Variants in ASAH1 observed in about 807,000 individuals in gnomAD.
The protein encoded by ASAH1 is N-acylsphingosine amidohydrolase 1.
In ASAH1, 70 loss-of-function variants were observed where a neutral mutation model predicts 59.5. The ratio of observed to expected loss-of-function variants is 1.18; its 90% CI spans 0.97 to 1.43. The LOEUF is 1.43. ASAH1 is among the 40% of genes most tolerant of loss of function. The probability of loss-of-function intolerance (pLI) is 0.00; values close to 1 mark genes in which losing one functional copy is unlikely to be tolerated. For synonymous variants in ASAH1, 213 were observed against 166.5 expected, an observed-to-expected ratio of 1.28 and a Z score of -2.15; for missense variants, 660 against 482.5, an observed-to-expected ratio of 1.37 and a Z score of -3.45.
upstream of ASAH1, chr8:18,084,755 C>G (rs200771465): frequency 4.5e-5 from 73 of 1,613,698 alleles, no homozygotes; most frequent in Non-Finnish European, 6.1e-5. Flanking sequence ...GTAGGAGGCC[C>G]GGTGGGACCC....
chr8:18,057,647 T>G (rs764216549), intron 13 of ASAH1, 24 bp from the exon 14 acceptor site: 2 of 1,534,574 alleles, frequency 1.3e-6, no homozygotes, highest in Non-Finnish European at 1.8e-6. Flanking sequence ...TATTTTTACT[T>G]TAAGGACGTT....
intron 3 of ASAH1, among the ~76,000 whole-genome samples, chr8:18,070,181 C>T (rs890093105): frequency 8.0e-5 from 12 of 150,856 alleles, no homozygotes; most frequent in African/African-American, 2.4e-4. Context: ...CGGAGTTTTG[C>T]TCTTGTCGCC....
intron 5 of ASAH1, chr8:18,065,597 C>G (rs2117041113): frequency 6.6e-6 from 1 of 152,174 alleles, no homozygotes; most frequent in African/African-American, 2.4e-5. Context: ...AATAGCTTCC[C>G]AAACCATCAA....
intron 5 of ASAH1, chr8:18,066,832 G>A (rs1799947722): frequency 4.0e-6 from 1 of 249,490 alleles, no homozygotes; most frequent in Non-Finnish European, 7.7e-6. Flanking sequence ...ATACCCTGTT[G>A]ATACAATAGC....
intron 6 of ASAH1, 28 bp from the exon 7 acceptor site, chr8:18,063,258 G>A (rs760687872): frequency 6.4e-7 from 1 of 1,572,192 alleles, no homozygotes; most frequent in Admixed American, 1.7e-5. Flanking sequence ...GAAGAGACGT[G>A]TAATAGCAGT....
At position 18,057,200 on chromosome 8, in the gene ASAH1, C is replaced by G. The variant is rs115127411; in HGVS notation, c.*334G>C. ...ACAGACGTGCTGGATTCAACACCCA[C>G]GCTGAATCTCCATTTATTCCACGGA... On this transcript the variant is annotated 3_prime_UTR_variant, in exon 14 of 14. Coordinates refer to ENST00000637790, the MANE Select transcript of ASAH1 (RefSeq NM_177924.5). The G allele has an allele frequency of 3.3e-6, 1 of 303,582 alleles. No homozygotes were observed. Among genetic ancestry groups the G allele is most frequent in the East Asian group, 8.1e-5 (1 of 12,406 alleles). The allele number at this position is 303,582 out of a possible 1,614,324, so 18.8% of individuals were successfully genotyped here. A position where few individuals can be genotyped will look rare whatever the true frequency, so the allele number is the denominator to read the frequency against.
rs1043929703 is a variant in ASAH1 at position 18,063,460 on chromosome 8, C to T, written c.458-230G>A. ...TTGGGATTACAGACATGTGCGACCG[C>T]ACCTGGCTACTTTTTTTTTTTTTTT... On this transcript the variant is annotated intron_variant, in intron 6 of 13. Coordinates refer to ENST00000637790, the MANE Select transcript of ASAH1 (RefSeq NM_177924.5). 3.0e-5 allele frequency: 13 copies of T among 435,824 alleles called. No homozygotes were observed. The Admixed American group carries it at 3.3e-4, about 11-fold the overall frequency. The allele number at this position is 435,824 out of a possible 1,614,324, so 27.0% of individuals were successfully genotyped here. A position where few individuals can be genotyped will look rare whatever the true frequency, so the allele number is the denominator to read the frequency against.
chr8:18,084,117 G>C, upstream of ASAH1: 7 of 1,588,184 alleles, frequency 4.4e-6, no homozygotes, highest in African/African-American at 1.3e-5. Context: ...GAGCCGGCTG[G>C]GCCGGGGGCA....
chr8:18,080,199 C>G (rs34389359), intron 1 of ASAH1, among the ~76,000 whole-genome samples: 9,144 of 152,288 alleles, frequency 0.06, 319 homozygotes, highest in Admixed American at 0.097. Flanking sequence ...GATTCAATAG[C>G]TAATGTCAAC....
In ASAH1 at chr8:18,062,376, G is replaced by T. The variant is rs540913734; in HGVS notation, c.551C>A (p.Pro184His). ...TTGGAAATCCAAATTCACTGTTAAA[G>T]GTTTTAGTTGCTCAGTTATGACCCA... ...DTWVITEQLK[P>H]LTVNLDFQRN... Residue 184 changes from proline to histidine, a missense_variant, in exon 8 of 14, where the codon CCT (proline) becomes CAT (histidine). Physicochemically the swap from Pro to His is moderately conservative, Grantham distance 77. Transcript: ENST00000637790. 1 of 1,614,104 alleles carries T rather than the reference G, an allele frequency of 6.2e-7. No homozygotes were observed.
At chr8:18,064,580 G>T in intron 5 of ASAH1, 49 bp from the exon 6 acceptor site, 1 of 1,074,958 alleles carries the variant, frequency 9.3e-7, no homozygotes, top group Non-Finnish European at 1.4e-6. Flanking sequence ...ATGACAATGG[G>T]AGAAAAATTT....
chr8:18,084,160 C>G, upstream of ASAH1: 1 of 1,557,966 alleles, frequency 6.4e-7, no homozygotes, highest in Non-Finnish European at 8.6e-7. Flanking sequence ...GACCCGCGAC[C>G]TGGGACCGCA....
chr8:18,083,609 T>G (rs1348360027), intron 1 of ASAH1, among the ~76,000 whole-genome samples: 1 of 152,254 alleles, frequency 6.6e-6, no homozygotes, highest in African/African-American at 2.4e-5. Context: ...TCAGGCAGTC[T>G]GTCCTTGATT....
intron 2 of ASAH1, among the ~76,000 whole-genome samples, chr8:18,075,314 G>A (rs533153796): frequency 1.0e-3 from 153 of 152,254 alleles, no homozygotes; most frequent in Non-Finnish European, 1.8e-3. Flanking sequence ...TCTTTCCGAT[G>A]ATTTTGATAG....
At chr8:18,084,512 T>G (rs112230670), upstream of ASAH1, 1 of 1,359,312 alleles carries the variant, frequency 7.4e-7, no homozygotes, top group Admixed American at 2.1e-5. Context: ...TCAACACTAA[T>G]GTAACATCCC....
rs937056036 is a variant in ASAH1, at chr8:18,059,634, G to A, written c.855C>T (p.Gly285=). 1 of 1,614,186 alleles carries A rather than the reference G, an allele frequency of 6.2e-7. No homozygotes were observed. Among genetic ancestry groups the A allele is most frequent in the South Asian group, 1.1e-5 (1 of 91,088 alleles). ...TCACACAACCTTCCCCAGACTGGTTGCCTCCCAGGATAAAGTAGGCTGGGG... is the reference window on the plus strand; with the variant it reads ...TCACACAACCTTCCCCAGACTGGTTACCTCCCAGGATAAAGTAGGCTGGGG... ...ILAPAYFILG[G]NQSGEGCVIT... Residue 285 remains glycine, a synonymous_variant, in exon 11 of 14, where the codon GGC becomes GGT. Coordinates refer to ENST00000637790, the MANE Select transcript of ASAH1 (RefSeq NM_177924.5).
At chr8:18,071,638 TCTATGAAAAAATCAA>T (rs1411599952) in intron 2 of ASAH1, among the ~76,000 whole-genome samples, 3 of 152,234 alleles carry the variant, frequency 2.0e-5, no homozygotes, top group African/African-American at 7.2e-5. Context: ...GAATTGGTTT[TCTATGAAAAAATCAA>T]CTATGGCTTA....
chr8:18,079,406 G>T (rs1800555749), intron 1 of ASAH1, among the ~76,000 whole-genome samples: 1 of 151,156 alleles, frequency 6.6e-6, no homozygotes, highest in Admixed American at 6.6e-5. Context: ...TTCATTAAGA[G>T]AAATTAATTA....
At chr8:18,084,768 G>A (rs1351969120), upstream of ASAH1, 3 of 1,613,584 alleles carry the variant, frequency 1.9e-6, no homozygotes, top group Non-Finnish European at 2.5e-6. Flanking sequence ...TGGGACCCGC[G>A]AGCTTTCTCT....
Sources: gnomAD v4.1 joint callset for allele counts (sites outside exome capture counted in the v4.1 genomes callset) on GRCh38, gnomAD v4.1.1 for gene constraint, MANE v1.5 for transcripts, NCBI Gene and HGNC (gene_info 2026-07-23, HGNC 2026-07-21) for gene names.